NWD2: variants seen among roughly 807,000 people sequenced by gnomAD.
NWD2 encodes the protein NACHT and WD repeat domain containing 2.
NWD2 carries 37 observed loss-of-function variants against 132.7 expected under a neutral mutation model. That is an observed-to-expected ratio of 0.28 (90% CI 0.21 to 0.37). The LOEUF (loss-of-function observed/expected upper bound fraction) is 0.37. NWD2 is among the 10% of genes least tolerant of loss of function. The pLI, the probability that NWD2 is intolerant of heterozygous loss-of-function variation, is 1.00. For missense variants in NWD2, 1,592 were observed against 2,122.4 expected (o/e 0.75, Z 4.91); for synonymous variants, 705 against 803.0 (o/e 0.88, Z 2.06).
chr4:37,319,728 G>A (rs1010610757), intron 1 of NWD2, among the ~76,000 whole-genome samples: 2 of 152,060 alleles, frequency 1.3e-5, no homozygotes, highest in East Asian at 1.9e-4. Flanking sequence ...ATTGAATAGG[G>A]GGTCCTTTCC....
At chr4:37,410,736 T>C (rs1721138744) in intron 3 of NWD2, among the ~76,000 whole-genome samples, 1 of 152,110 alleles carries the variant, frequency 6.6e-6, no homozygotes, top group Non-Finnish European at 1.5e-5. Flanking sequence ...ACTGACCAAA[T>C]AATTGGAAGT....
At chr4:37,378,810 G>T (rs376417577) in intron 3 of NWD2, among the ~76,000 whole-genome samples, 1 of 152,162 alleles carries the variant, frequency 6.6e-6, no homozygotes, top group East Asian at 1.9e-4. Flanking sequence ...TTTAAAAATG[G>T]AGAAGTTTAA....
At chr4:37,269,818 A>G (rs745530687) in intron 1 of NWD2, among the ~76,000 whole-genome samples, 10 of 151,840 alleles carry the variant, frequency 6.6e-5, no homozygotes, top group Non-Finnish European at 1.3e-4. Context: ...AGCTGTTATG[A>G]ACATTTTTAG....
chr4:37,373,068 A>T (rs955825948), intron 3 of NWD2, among the ~76,000 whole-genome samples: 10 of 152,258 alleles, frequency 6.6e-5, no homozygotes, highest in Admixed American at 4.6e-4. Context: ...CAAACTGTGG[A>T]CAATAATAGC....
intron 6 of NWD2, among the ~76,000 whole-genome samples, chr4:37,441,288 T>G (rs1712478032): frequency 6.6e-6 from 1 of 152,252 alleles, no homozygotes; most frequent in African/African-American, 2.4e-5. Flanking sequence ...GGAATTTGTA[T>G]GTGTATCTTC....
intron 3 of NWD2, among the ~76,000 whole-genome samples, chr4:37,401,958 C>A (rs763891963): frequency 2.6e-5 from 4 of 152,164 alleles, no homozygotes; most frequent in Admixed American, 2.6e-4. Flanking sequence ...TGCTGAAATT[C>A]AATTGTCATT....
chr4:37,440,270 C>T (rs1712446221), intron 6 of NWD2, among the ~76,000 whole-genome samples: 1 of 152,190 alleles, frequency 6.6e-6, no homozygotes, highest in South Asian at 2.1e-4. Context: ...ACTCCTTAGA[C>T]AGGACCTGCG....
intron 3 of NWD2, among the ~76,000 whole-genome samples, chr4:37,422,069 G>A (rs1309710384): frequency 6.6e-6 from 1 of 152,090 alleles, no homozygotes; most frequent in Non-Finnish European, 1.5e-5. Context: ...CTCCTTGAAA[G>A]CCCCATTTTC....
intron 1 of NWD2, among the ~76,000 whole-genome samples, chr4:37,293,548 C>G (rs916736410): frequency 6.6e-6 from 1 of 152,066 alleles, no homozygotes; most frequent in African/African-American, 2.4e-5. Context: ...TAATGTTTGC[C>G]ACTTTGATAT....
intron 1 of NWD2, among the ~76,000 whole-genome samples, chr4:37,310,364 G>A (rs1718808880): frequency 2.0e-5 from 3 of 152,056 alleles, no homozygotes; most frequent in Admixed American, 2.0e-4. Context: ...TACCTTGGTA[G>A]TACCAGAAAC....
intron 1 of NWD2, among the ~76,000 whole-genome samples, chr4:37,315,537 T>C (rs1718938834): frequency 6.6e-6 from 1 of 152,140 alleles, no homozygotes; most frequent in Admixed American, 6.5e-5. Flanking sequence ...CTGATTTTGG[T>C]TTACTGCATA....
Position 37,433,860 on chromosome 4 carries a change from T to A in NWD2, c.562-16T>A, listed in dbSNP as rs1287138594. The A allele has an allele frequency of 6.6e-7, 1 of 1,511,466 alleles. No individual in the cohort carries two copies. The highest frequency in any genetic ancestry group is 2.5e-5 in the East Asian group (1 of 40,644). 93.6% of individuals were successfully genotyped at this position (1,511,466 alleles called of 1,614,324 possible). The stretch of plus-strand genomic sequence containing the variant: ...GATGATTGTAAGACTAATTTCTCCC[T>A]TTTACATTTCTATAGATGCAGCCTT... On this transcript the variant is annotated splice_polypyrimidine_tract_variant and intron_variant, in intron 4 of 6. Coordinates refer to ENST00000309447, the MANE Select transcript of NWD2 (RefSeq NM_001144990.2).
chr4:37,247,038 C>A (rs1273319745), intron 1 of NWD2, among the ~76,000 whole-genome samples: 1 of 152,182 alleles, frequency 6.6e-6, no homozygotes, highest in Admixed American at 6.5e-5. Flanking sequence ...CCTAGGAAAG[C>A]AAACAGGAGG....
intron 3 of NWD2, among the ~76,000 whole-genome samples, chr4:37,359,172 T>G (rs1431655491): frequency 6.6e-6 from 1 of 152,120 alleles, no homozygotes; most frequent in Non-Finnish European, 1.5e-5. Context: ...AATAAAGACT[T>G]TGCAAGTTTA....
intron 3 of NWD2, among the ~76,000 whole-genome samples, chr4:37,393,097 A>G (rs971431715): frequency 1.3e-5 from 2 of 152,124 alleles, no homozygotes; most frequent in Non-Finnish European, 2.9e-5. Flanking sequence ...CGCCTCAGGA[A>G]GTGAAAGGGA....
intron 3 of NWD2, among the ~76,000 whole-genome samples, chr4:37,393,249 A>G (rs912967961): frequency 6.6e-6 from 1 of 152,034 alleles, no homozygotes; most frequent in Non-Finnish European, 1.5e-5. Flanking sequence ...GATTCAGAGA[A>G]AACTGTCTTT....
intron 1 of NWD2, among the ~76,000 whole-genome samples, chr4:37,286,949 C>T (rs1392169652): frequency 3.3e-5 from 5 of 152,140 alleles, no homozygotes; most frequent in South Asian, 2.1e-4. Context: ...CGTGTGAATC[C>T]TTCACCGGTC....
chr4:37,358,335 G>C (rs1281185097), intron 3 of NWD2, among the ~76,000 whole-genome samples: 1 of 150,978 alleles, frequency 6.6e-6, no homozygotes, highest in African/African-American at 2.5e-5. Context: ...AGCCAAATGA[G>C]AAAAATACGT....
At chr4:37,418,645 T>A (rs956381225) in intron 3 of NWD2, among the ~76,000 whole-genome samples, 12 of 151,202 alleles carry the variant, frequency 7.9e-5, no homozygotes, top group Non-Finnish European at 1.5e-4. Flanking sequence ...AAAAAAAATA[T>A]ATATATATAT....
Sources: allele counts gnomAD v4.1 joint callset (sites outside exome capture counted in the v4.1 genomes callset), GRCh38; gene constraint gnomAD v4.1.1; transcripts MANE v1.5; gene names NCBI Gene and HGNC (gene_info 2026-07-23, HGNC 2026-07-21).